The following CACNA1D variants were observed in gnomAD, a reference collection of about 807,000 sequenced individuals.
CACNA1D encodes voltage-dependent L-type calcium channel subunit alpha-1D.
A neutral mutation model predicts 257.1 loss-of-function variants in CACNA1D; 55 were observed. The observed-to-expected ratio is 0.21, with a 90% CI of 0.17 to 0.27. The LOEUF is 0.27. Ranked by LOEUF, CACNA1D falls within the 10% of genes least tolerant of loss-of-function variation. The pLI is 1.00. For missense variants in CACNA1D, 1,876 were observed against 2,784.0 expected (o/e 0.67, Z 7.34); for synonymous variants, 980 against 1,014.9 (o/e 0.97, Z 0.65).
intron 3 of CACNA1D, among the ~76,000 whole-genome samples, chr3:53,588,475 G>T (rs557954249): frequency 2.6e-5 from 4 of 152,138 alleles, no homozygotes; most frequent in African/African-American, 7.2e-5. Flanking sequence ...GTTTGGAGAC[G>T]GGAGATGCTC....
chr3:53,619,446 A>T (rs1001695489), intron 3 of CACNA1D, among the ~76,000 whole-genome samples: 1 of 152,196 alleles, frequency 6.6e-6, no homozygotes, highest in Non-Finnish European at 1.5e-5. Context: ...GGTGCTGGAA[A>T]TTATAACCAG....
At chr3:53,546,991 G>A (rs918319990) in intron 3 of CACNA1D, among the ~76,000 whole-genome samples, 15 of 152,104 alleles carry the variant, frequency 9.9e-5, no homozygotes, top group African/African-American at 3.4e-4. Context: ...ACCAAACATT[G>A]GCCCAAAGAG....
intron 19 of CACNA1D, among the ~76,000 whole-genome samples, chr3:53,735,108 G>T (rs2095044685): frequency 6.6e-6 from 1 of 152,208 alleles, no homozygotes; most frequent in Non-Finnish European, 1.5e-5. Context: ...AAGACAACAA[G>T]CCCCACTTCC....
At chr3:53,519,750 A>G (rs1341468871) in intron 3 of CACNA1D, among the ~76,000 whole-genome samples, 1 of 152,208 alleles carries the variant, frequency 6.6e-6, no homozygotes, top group Non-Finnish European at 1.5e-5. Flanking sequence ...TCAACTTTAG[A>G]ACATTTTCAT....
intron 7 of CACNA1D, among the ~76,000 whole-genome samples, chr3:53,672,318 C>T (rs949347480): frequency 6.6e-5 from 10 of 152,196 alleles, no homozygotes; most frequent in Non-Finnish European, 1.5e-4. Flanking sequence ...AAAGCCCATT[C>T]CCCAAAGAGC....
intron 3 of CACNA1D, among the ~76,000 whole-genome samples, chr3:53,634,512 G>C (rs1331128298): frequency 1.3e-5 from 2 of 152,156 alleles, no homozygotes; most frequent in African/African-American, 4.8e-5. Context: ...GTGAATGGGT[G>C]TGTGTGTGCT....
rs528703201 is a variant in CACNA1D at position 53,500,948 on chromosome 3, C to G, written c.378-667C>G. On this transcript the variant is annotated intron_variant, in intron 2 of 47. Coordinates refer to ENST00000350061, the MANE Select transcript of CACNA1D (RefSeq NM_001128840.3). Reference sequence around the variant, plus strand: ...GAGCACAGTAACAGCATATTATAAACTGAGCTCCAGTCCGGCTCTAATCTG... The same window carrying G: ...GAGCACAGTAACAGCATATTATAAAGTGAGCTCCAGTCCGGCTCTAATCTG... Among the ~76,000 whole-genome samples the G allele has an allele frequency of 2.6e-5, 4 of 152,292 alleles. No individual in the cohort carries two copies. The South Asian group carries it at 8.3e-4, about 32-fold the overall frequency.
intron 3 of CACNA1D, among the ~76,000 whole-genome samples, chr3:53,645,017 A>T (rs375239806): frequency 6.6e-6 from 1 of 152,132 alleles, no homozygotes; most frequent in Non-Finnish European, 1.5e-5. Context: ...AGCCATTCCA[A>T]TGAATGTGAG....
chr3:53,727,748 G>C lies in CACNA1D; in HGVS notation c.2221+749G>C, dbSNP rs541399176. Among the ~76,000 whole-genome samples, 5 of 152,232 alleles carry C rather than the reference G, an allele frequency of 3.3e-5. No individual in the cohort carries two copies. The East Asian group carries it at 9.7e-4, about 29-fold the overall frequency. On this transcript the variant is annotated intron_variant, in intron 15 of 47. Coordinates refer to ENST00000350061, the MANE Select transcript of CACNA1D (RefSeq NM_001128840.3). ...ATGCATGAACGACGTACACACTCATGATACTACATCTGGGTTTTCACCCTT... is the reference window on the plus strand; with the variant it reads ...ATGCATGAACGACGTACACACTCATCATACTACATCTGGGTTTTCACCCTT...
intron 45 of CACNA1D, among the ~76,000 whole-genome samples, chr3:53,806,505 C>T (rs1358014724): frequency 6.6e-6 from 1 of 152,226 alleles, no homozygotes; most frequent in Non-Finnish European, 1.5e-5. Context: ...TGGCCCCTTC[C>T]AGCCCTTGGC....
At position 53,763,894 on chromosome 3, in the gene CACNA1D, T is replaced by TA. The variant is rs2095317777; in HGVS notation, c.3870+1814dup. ...CTGCCCCCTTGCTGCAGATATGTTA[T>TA]AGTGATAAAATGATCGGAATATTCG... is the stretch of plus-strand genomic sequence containing the variant. On this transcript the variant is annotated intron_variant, in intron 30 of 47. Transcript: ENST00000350061. 1.3e-5 allele frequency among the ~76,000 whole-genome samples: 2 copies of TA among 152,172 alleles called. 1 individual carries two copies. Among genetic ancestry groups the TA allele is most frequent in the African/African-American group, 4.8e-5 (2 of 41,420 alleles).
In CACNA1D at chr3:53,803,526, A is replaced by G. The variant is rs1363134957; in HGVS notation, c.5539A>G (p.Ser1847Gly). 4 of 1,614,162 alleles carry G rather than the reference A, an allele frequency of 2.5e-6. No homozygotes were observed. The highest frequency in any genetic ancestry group is 1.7e-5 in the Admixed American group (1 of 60,032). The change falls in exon 44 of 48, where the codon AGT (serine) becomes GGT (glycine). Residue 1847 changes from serine to glycine, a missense_variant. Coordinates refer to ENST00000350061, the MANE Select transcript of CACNA1D (RefSeq NM_001128840.3). Reference sequence around the variant, plus strand: ...CTGCTTGGGGGAGCAGGAGTATTTCAGTAGTGAGGAATGCTACGAGGATGA... The same window carrying G: ...CTGCTTGGGGGAGCAGGAGTATTTCGGTAGTGAGGAATGCTACGAGGATGA... ...PHCLGEQEYFSSEECYEDDSS... is the reference protein window; with the variant it reads ...PHCLGEQEYFGSEECYEDDSS...
intron 3 of CACNA1D, among the ~76,000 whole-genome samples, chr3:53,606,004 A>G (rs2093505158): frequency 6.6e-6 from 1 of 152,150 alleles, no homozygotes; most frequent in African/African-American, 2.4e-5. Flanking sequence ...GTTTGTTTCT[A>G]CTGTTACCCC....
rs532916484 is a variant in CACNA1D, at chr3:53,796,325, C to T, written c.4924-3924C>T. The T allele has an allele frequency of 2.0e-5, 9 of 455,908 alleles. No individual in the cohort carries two copies. The East Asian group carries it at 3.5e-4, about 18-fold the overall frequency. 28.2% of individuals were successfully genotyped at this position (455,908 alleles called of 1,614,324 possible). ...CTTTGGCTGGAGTCTCAAAGCCTGG[C>T]GCTTGTATCCTGAAGATGAATGGCC... On this transcript the variant is annotated intron_variant, in intron 40 of 47. Coordinates refer to ENST00000350061, the MANE Select transcript of CACNA1D (RefSeq NM_001128840.3).
chr3:53,809,503 C>T lies in CACNA1D; in HGVS notation c.5872-475C>T, dbSNP rs995063945. 4.5e-5 allele frequency: 10 copies of T among 222,278 alleles called. No homozygotes were observed. In the East Asian group the frequency reaches 1.1e-3, roughly 24 times the overall value. The allele number at this position is 222,278 out of a possible 1,614,324, so 13.8% of individuals were successfully genotyped here. A position where few individuals can be genotyped will look rare whatever the true frequency, so the allele number is the denominator to read the frequency against. ...ATCTGCCGTGGTGGGATTGTAAGAC[C>T]GGGGCTTGTACCCAGTGCTTTAGCA... On this transcript the variant is annotated intron_variant, in intron 46 of 47. Coordinates refer to ENST00000350061, the MANE Select transcript of CACNA1D (RefSeq NM_001128840.3).
intron 3 of CACNA1D, among the ~76,000 whole-genome samples, chr3:53,594,309 C>T (rs1157500215): frequency 6.6e-6 from 1 of 152,186 alleles, no homozygotes; most frequent in Admixed American, 6.5e-5. Context: ...GACAGAGTTG[C>T]TCAAATGCTT....
chr3:53,506,754 C>G (rs2090863534), intron 3 of CACNA1D, among the ~76,000 whole-genome samples: 1 of 152,276 alleles, frequency 6.6e-6, no homozygotes, highest in South Asian at 2.1e-4. Flanking sequence ...GTATATCTTT[C>G]TTTCTTGGCA....
At position 53,495,874 on chromosome 3, in the gene CACNA1D, C is replaced by G. The variant is rs1190357139; in HGVS notation, c.67+641C>G. Among the ~76,000 whole-genome samples the G allele has an allele frequency of 1.3e-5, 2 of 152,094 alleles. No homozygotes were observed. Among genetic ancestry groups the G allele is most frequent in the Non-Finnish European group, 1.5e-5 (1 of 67,988 alleles). ...CGCTGTGGGGCTCCCCTCCCCAGCT[C>G]TGGCCCGGGCACCACGTGCAGCTTC... is the stretch of plus-strand genomic sequence containing the variant. On this transcript the variant is annotated intron_variant, in intron 1 of 47. Transcript: ENST00000350061. This position sits in a 1 kb window ranked among gnomAD's most constrained non-coding sequence, Gnocchi z 5.1.
intron 3 of CACNA1D, among the ~76,000 whole-genome samples, chr3:53,549,060 C>A (rs1297071263): frequency 6.6e-6 from 1 of 152,126 alleles, no homozygotes; most frequent in African/African-American, 2.4e-5. Flanking sequence ...CAGGGCTTCA[C>A]AAATCTTTGT....
Sources: allele counts gnomAD v4.1 joint callset (sites outside exome capture counted in the v4.1 genomes callset), GRCh38; gene constraint gnomAD v4.1.1; non-coding constraint Gnocchi (gnomAD v3.1); transcripts MANE v1.5; gene names NCBI Gene and HGNC (gene_info 2026-07-23, HGNC 2026-07-21).